The following TMPRSS9 variants were observed in gnomAD, a reference collection of about 807,000 sequenced individuals.
The protein encoded by TMPRSS9 is transmembrane protease serine 9.
A neutral mutation model predicts 111.4 loss-of-function variants in TMPRSS9; 113 were observed. The ratio of observed to expected loss-of-function variants is 1.01; its 90% CI spans 0.87 to 1.19. The LOEUF (loss-of-function observed/expected upper bound fraction) is 1.19, where lower values mean the gene tolerates loss of function less well. Among genes scored for constraint, TMPRSS9 ranks in the 50% most tolerant of loss-of-function variants. The probability of loss-of-function intolerance (pLI) is 0.00; values close to 1 mark genes in which losing one functional copy is unlikely to be tolerated. For missense variants in TMPRSS9, 1,803 were observed against 1,513.1 expected, an observed-to-expected ratio of 1.19 and a Z score of -3.18; for synonymous variants, 805 against 659.1, an observed-to-expected ratio of 1.22 and a Z score of -3.39.
intron 1 of TMPRSS9, among the ~76,000 whole-genome samples, chr19:2,361,810 G>T (rs1006351336): frequency 2.0e-5 from 3 of 152,194 alleles, no homozygotes; most frequent in Non-Finnish European, 2.9e-5. Flanking sequence ...AAGGGTTCAG[G>T]CACTGCCCCG....
rs532857184 is a variant in TMPRSS9 at position 2,379,311 on chromosome 19, G to A, written c.-25-10450G>A. Among the ~76,000 whole-genome samples the A allele has an allele frequency of 9.5e-5, 14 of 147,420 alleles. No homozygotes were observed. In the East Asian group the frequency reaches 1.5e-3, roughly 16 times the overall value. Reference sequence around the variant, plus strand: ...TGCCATTCTCCTGCCTCAGCCTCCCGAGTAGCTGGGACTACAGGTGCCCGC... The same window carrying A: ...TGCCATTCTCCTGCCTCAGCCTCCCAAGTAGCTGGGACTACAGGTGCCCGC... On this transcript the variant is annotated intron_variant, in intron 1 of 17. Coordinates refer to the TMPRSS9 transcript ENST00000649857.
At chr19:2,403,056 G>C (rs756125577) in intron 5 of TMPRSS9, 26 bp from the exon 7 acceptor site, 4 of 1,579,240 alleles carry the variant, frequency 2.5e-6, no homozygotes, top group Non-Finnish European at 3.4e-6. Flanking sequence ...CATGAGGTCA[G>C]AAAGTCGGTT....
exon 7 of TMPRSS9, chr19:2,405,387 G>C (rs1970946715): frequency 6.2e-7 from 1 of 1,601,556 alleles, no homozygotes; most frequent in Admixed American, 1.7e-5. Flanking sequence ...GTGGCTTGCA[G>C]CCTGCCTGGA....
chr19:2,400,278 A>C (rs906494502), intron 4 of TMPRSS9, among the ~76,000 whole-genome samples: 1 of 152,206 alleles, frequency 6.6e-6, no homozygotes, highest in African/African-American at 2.4e-5. Flanking sequence ...GTGGTGGCTT[A>C]TGCCTGTAAT....
Position 2,415,705 on chromosome 19 carries a change from C to T in TMPRSS9, c.1609C>T (p.Arg537Trp), listed in dbSNP as rs570871011. ...CAGGCCTGCAATGGAGAAGCCCACC[C>T]GGGTCGTGGGCGGGTTCGGAGCTGC... The change falls in exon 11 of 18, where the codon CGG (arginine) becomes TGG (tryptophan). Residue 537 changes from arginine (R) to tryptophan (W), a missense_variant. Coordinates refer to ENST00000648592, the Ensembl canonical transcript of TMPRSS9. The T allele has an allele frequency of 5.2e-5, 83 of 1,607,270 alleles. No individual in the cohort carries two copies. Among genetic ancestry groups the T allele is most frequent in the South Asian group, 3.7e-4 (33 of 90,188 alleles).
chr19:2,386,160 G>T (rs891571283), upstream of TMPRSS9, among the ~76,000 whole-genome samples: 1 of 152,038 alleles, frequency 6.6e-6, no homozygotes, highest in East Asian at 1.9e-4. Flanking sequence ...ATGTTGCCCA[G>T]GCTGGTCTCA....
chr19:2,403,471 G>A (rs1970898943), intron 6 of TMPRSS9, among the ~76,000 whole-genome samples: 2 of 152,148 alleles, frequency 1.3e-5, no homozygotes, highest in Non-Finnish European at 2.9e-5. Flanking sequence ...CACAGCCTGG[G>A]AAGTGTTGAA....
At chr19:2,401,136 T>C (rs947231162) in intron 4 of TMPRSS9, among the ~76,000 whole-genome samples, 2 of 151,702 alleles carry the variant, frequency 1.3e-5, no homozygotes, top group South Asian at 2.1e-4. Flanking sequence ...CAGCCGGGCG[T>C]GGTGGCGGGC....
At chr19:2,390,285 G>C (rs1166336846) in intron 1 of TMPRSS9, among the ~76,000 whole-genome samples, 2 of 89,562 alleles carry the variant, frequency 2.2e-5, no homozygotes, top group Non-Finnish European at 5.0e-5. Flanking sequence ...CTGTCGCCCA[G>C]GCTGGAGTGC....
At chr19:2,418,618 G>C (rs370668202) in intron 13 of TMPRSS9, among the ~76,000 whole-genome samples, 71 of 886 alleles carry the variant, frequency 0.08, 2 homozygotes, top group South Asian at 0.25. Context: ...CCCTCCCTCC[G>C]TTTCCTTCCC....
At chr19:2,365,953 G>T (rs1473852216) in intron 1 of TMPRSS9, among the ~76,000 whole-genome samples, 1 of 149,788 alleles carries the variant, frequency 6.7e-6, no homozygotes. Context: ...GATAGAGTGA[G>T]ATTCTGTCTC....
At chr19:2,371,349 A>G (rs1039237841) in intron 1 of TMPRSS9, among the ~76,000 whole-genome samples, 2 of 152,092 alleles carry the variant, frequency 1.3e-5, no homozygotes, top group African/African-American at 4.8e-5. Flanking sequence ...ACAGATGAAG[A>G]CGGAAGTCGG....
chr19:2,415,976 G>A (rs1599309418), intron 11 of TMPRSS9, 135 bp downstream of exon 12: 11 of 1,082,730 alleles, frequency 1.0e-5, no homozygotes, highest in Non-Finnish European at 1.4e-5. Context: ...GGGCAGCTGA[G>A]AGACAGGAGG....
intron 12 of TMPRSS9, among the ~76,000 whole-genome samples, chr19:2,417,569 G>C (rs1375462917): frequency 6.6e-6 from 1 of 151,810 alleles, no homozygotes; most frequent in Non-Finnish European, 1.5e-5. Context: ...AATCACTTGA[G>C]CCTGGGAGTT....
intron 7 of TMPRSS9, among the ~76,000 whole-genome samples, 195 bp from the exon 9 acceptor site, chr19:2,408,161 C>T (rs1971010563): frequency 1.3e-5 from 2 of 152,064 alleles, no homozygotes; most frequent in Admixed American, 1.3e-4. Flanking sequence ...TCAGGTGATC[C>T]TCCCGCTTCA....
intron 1 of TMPRSS9, among the ~76,000 whole-genome samples, chr19:2,372,216 C>T (rs1190672736): frequency 6.6e-6 from 1 of 152,244 alleles, no homozygotes; most frequent in East Asian, 1.9e-4. Context: ...CACGTCCATT[C>T]TTCTCGAAGC....
intron 1 of TMPRSS9, among the ~76,000 whole-genome samples, chr19:2,376,939 C>A (rs1025368391): frequency 6.6e-6 from 1 of 152,056 alleles, no homozygotes; most frequent in African/African-American, 2.4e-5. Flanking sequence ...GAAGGCCAGG[C>A]AGGGTCGCGC....
chr19:2,414,578 GAC>G (rs1207859152), intron 10 of TMPRSS9, among the ~76,000 whole-genome samples: 1 of 147,216 alleles, frequency 6.8e-6, no homozygotes, highest in African/African-American at 2.6e-5. Context: ...TTTGTACCCA[GAC>G]AACTTGTAGG....
intron 14 of TMPRSS9, 51 bp from the exon 16 acceptor site, chr19:2,424,038 G>C: frequency 8.0e-7 from 1 of 1,247,222 alleles, no homozygotes; most frequent in African/African-American, 1.6e-5. Flanking sequence ...GGGGGCCTTC[G>C]TGGAGGAGGT....
Sources: gnomAD v4.1 joint callset for allele counts (sites outside exome capture counted in the v4.1 genomes callset) on GRCh38, gnomAD v4.1.1 for gene constraint, MANE v1.5 for transcripts, NCBI Gene and HGNC (gene_info 2026-07-23, HGNC 2026-07-21) for gene names.